Variants in NPAS3 observed in about 807,000 individuals in gnomAD.
NPAS3 encodes neuronal PAS domain protein 3.
A neutral mutation model predicts 73.1 loss-of-function variants in NPAS3; 14 were observed. The ratio of observed to expected loss-of-function variants is 0.19; its 90% CI spans 0.13 to 0.30. The LOEUF (loss-of-function observed/expected upper bound fraction) is 0.30, where lower values mean the gene tolerates loss of function less well. NPAS3 is among the 10% of genes least tolerant of loss of function. The pLI is 1.00. For synonymous variants in NPAS3, 620 were observed against 541.5 expected, an observed-to-expected ratio of 1.14 and a Z score of -2.01; for missense variants, 1,096 against 1,250.0, an observed-to-expected ratio of 0.88 and a Z score of 1.86.
At chr14:33,312,918 T>C (rs1429130708) in intron 3 of NPAS3, among the ~76,000 whole-genome samples, 2 of 152,100 alleles carry the variant, frequency 1.3e-5, no homozygotes, top group Non-Finnish European at 2.9e-5. Flanking sequence ...TCGTTATATA[T>C]ACATAGAATT....
chr14:33,664,997 C>G (rs940092748), intron 5 of NPAS3, among the ~76,000 whole-genome samples: 2 of 152,178 alleles, frequency 1.3e-5, no homozygotes, highest in Non-Finnish European at 2.9e-5. Context: ...CCCAGCCATC[C>G]CATTACTGGG....
intron 7 of NPAS3, among the ~76,000 whole-genome samples, chr14:33,741,502 A>T (rs1024102347): frequency 2.6e-5 from 4 of 152,210 alleles, no homozygotes; most frequent in Non-Finnish European, 2.9e-5. Flanking sequence ...CAAATTTTTT[A>T]AATCCTTTTA....
intron 9 of NPAS3, among the ~76,000 whole-genome samples, chr14:33,784,733 A>ATTTTTTTTTTTTTTTTTTTTTTT (rs1361050440): frequency 5.1e-5 from 4 of 78,328 alleles, no homozygotes; most frequent in East Asian, 3.7e-4. Flanking sequence ...TTATTTATTT[A>ATTTTTTTTTTTTTTTTTTTTTTT]TTTATTTATT....
At chr14:33,781,160 A>G (rs1009146443) in intron 9 of NPAS3, among the ~76,000 whole-genome samples, 2 of 152,230 alleles carry the variant, frequency 1.3e-5, no homozygotes, top group Non-Finnish European at 2.9e-5. Context: ...GATCCTGAAG[A>G]AGTTTGATCC....
chr14:32,985,681 G>A (rs1255448352), intron 1 of NPAS3, among the ~76,000 whole-genome samples: 1 of 152,106 alleles, frequency 6.6e-6, no homozygotes, highest in Non-Finnish European at 1.5e-5. Context: ...CACCATGGAA[G>A]GGAAAAGAAA....
chr14:32,979,582 G>A (rs947958914), intron 1 of NPAS3, among the ~76,000 whole-genome samples: 1 of 152,040 alleles, frequency 6.6e-6, no homozygotes, highest in African/African-American at 2.4e-5. Context: ...CATTTAAAAG[G>A]GCCATACACA....
rs567313180 is a variant in NPAS3, at chr14:33,682,967, G to A, written c.733+6582G>A. Among the ~76,000 whole-genome samples the A allele has an allele frequency of 6.6e-5, 10 of 152,252 alleles. No individual in the cohort carries two copies. In the South Asian group the frequency reaches 1.0e-3, roughly 16 times the overall value. On this transcript the variant is annotated intron_variant, in intron 6 of 11. Transcript: ENST00000356141. ...ATTCCTTGACCCACACGTTGATGAC[G>A]CAACTAGCTACAGAAGGGCGGCCTC...
chr14:33,398,683 T>C (rs1421686344), intron 4 of NPAS3, among the ~76,000 whole-genome samples: 4 of 152,100 alleles, frequency 2.6e-5, no homozygotes, highest in African/African-American at 9.7e-5. Flanking sequence ...AGAGTAAATC[T>C]ATAAAATATT....
chr14:33,403,860 C>CA (rs2047549980), intron 4 of NPAS3, among the ~76,000 whole-genome samples: 1 of 151,830 alleles, frequency 6.6e-6, no homozygotes, highest in Non-Finnish European at 1.5e-5. Flanking sequence ...CTTCCTTTTA[C>CA]AAAAGCAGTT....
intron 1 of NPAS3, among the ~76,000 whole-genome samples, chr14:32,969,645 A>G (rs955024587): frequency 1.3e-5 from 2 of 152,214 alleles, no homozygotes; most frequent in East Asian, 1.9e-4. Flanking sequence ...TAGAAGAACT[A>G]GAAGTACTAG....
At chr14:33,257,508 G>C (rs1308986003) in intron 3 of NPAS3, among the ~76,000 whole-genome samples, 2 of 152,196 alleles carry the variant, frequency 1.3e-5, no homozygotes, top group Non-Finnish European at 2.9e-5. Flanking sequence ...GTAAGTCTAA[G>C]GAGTTGAATT....
chr14:33,598,199 C>A (rs139429468), intron 5 of NPAS3, among the ~76,000 whole-genome samples: 1 of 152,198 alleles, frequency 6.6e-6, no homozygotes, highest in African/African-American at 2.4e-5. Context: ...ATCTCCTTTA[C>A]CCAGACCCAT....
At chr14:33,303,236 C>T (rs920714390) in intron 3 of NPAS3, among the ~76,000 whole-genome samples, 2 of 151,696 alleles carry the variant, frequency 1.3e-5, no homozygotes, top group African/African-American at 2.4e-5. Flanking sequence ...ATTGTGTATT[C>T]GAACAGAGTG....
intron 3 of NPAS3, among the ~76,000 whole-genome samples, chr14:33,355,563 G>T (rs1446059645): frequency 6.6e-6 from 1 of 152,192 alleles, no homozygotes; most frequent in Non-Finnish European, 1.5e-5. Context: ...CTCCCAAAGT[G>T]CTGAGGTTCC....
intron 4 of NPAS3, among the ~76,000 whole-genome samples, chr14:33,497,789 C>T (rs1025957288): frequency 1.3e-5 from 2 of 151,782 alleles, no homozygotes; most frequent in African/African-American, 4.8e-5. Flanking sequence ...TAGGCATGGG[C>T]AGACTTCATG....
At chr14:32,992,255 T>C (rs1371177170) in intron 1 of NPAS3, among the ~76,000 whole-genome samples, 3 of 152,244 alleles carry the variant, frequency 2.0e-5, no homozygotes, top group Non-Finnish European at 4.4e-5. Flanking sequence ...GTGGTACCTG[T>C]GGTTAATGAA....
chr14:33,736,952 G>A (rs73258992), intron 7 of NPAS3, among the ~76,000 whole-genome samples: 6 of 152,070 alleles, frequency 3.9e-5, no homozygotes, highest in African/African-American at 1.4e-4. Flanking sequence ...TTAAGAACAC[G>A]GCAATATGCT....
chr14:33,679,591 A>C (rs557864714), intron 6 of NPAS3, among the ~76,000 whole-genome samples: 43 of 152,342 alleles, frequency 2.8e-4, no homozygotes, highest in African/African-American at 9.6e-4. Flanking sequence ...GGAAAGGGAT[A>C]TTGATATATG....
intron 6 of NPAS3, among the ~76,000 whole-genome samples, chr14:33,686,200 C>T (rs971139465): frequency 2.1e-4 from 32 of 152,172 alleles, no homozygotes; most frequent in African/African-American, 7.7e-4. Context: ...CCAGGAGACT[C>T]ATCCCAGCAG....
Sources: allele counts gnomAD v4.1 joint callset (sites outside exome capture counted in the v4.1 genomes callset), GRCh38; gene constraint gnomAD v4.1.1; transcripts MANE v1.5; gene names NCBI Gene and HGNC (gene_info 2026-07-23, HGNC 2026-07-21).